The following LARS2 variants were observed in gnomAD, a reference collection of about 807,000 sequenced individuals.
LARS2 encodes the protein leucyl-tRNA synthetase 2, mitochondrial, also known as leucine--tRNA ligase, mitochondrial.
In LARS2, 81 loss-of-function variants were observed where a neutral mutation model predicts 116.6. The ratio of observed to expected loss-of-function variants is 0.69; its 90% CI spans 0.58 to 0.84. The LOEUF (loss-of-function observed/expected upper bound fraction) is 0.84, where lower values mean the gene tolerates loss of function less well. LARS2 is among the 40% of genes least tolerant of loss of function. The probability of loss-of-function intolerance (pLI) is 0.00; values close to 1 mark genes in which losing one functional copy is unlikely to be tolerated. For missense variants in LARS2, 968 were observed against 1,114.5 expected, an observed-to-expected ratio of 0.87 and a Z score of 1.87; for synonymous variants, 396 against 407.2, an observed-to-expected ratio of 0.97 and a Z score of 0.33.
intron 10 of LARS2, among the ~76,000 whole-genome samples, chr3:45,477,331 G>A (rs532332001): frequency 2.6e-5 from 4 of 152,248 alleles, no homozygotes; most frequent in Non-Finnish European, 5.9e-5. Flanking sequence ...GACTTGGAGA[G>A]TGCAGCCCCA....
intron 7 of LARS2, among the ~76,000 whole-genome samples, chr3:45,452,549 G>A (rs1699151628): frequency 6.6e-6 from 1 of 152,062 alleles, no homozygotes; most frequent in African/African-American, 2.4e-5. Context: ...TGTTGATCAT[G>A]GTGAATGATC....
chr3:45,484,494 A>C (rs1396769412), intron 10 of LARS2, among the ~76,000 whole-genome samples: 4 of 146,216 alleles, frequency 2.7e-5, no homozygotes, highest in Non-Finnish European at 6.0e-5. Flanking sequence ...AGCTGGGTAC[A>C]GTGGCTCCTG....
chr3:45,419,824 G>A (rs1698487618), intron 6 of LARS2, 95 bp downstream of exon 6: 1 of 978,114 alleles, frequency 1.0e-6, no homozygotes, highest in Non-Finnish European at 1.7e-6. Context: ...GAGAAGGCAA[G>A]GGTGGGAGGC....
intron 4 of LARS2, among the ~76,000 whole-genome samples, chr3:45,408,289 C>T (rs985544815): frequency 6.6e-6 from 1 of 152,248 alleles, no homozygotes; most frequent in Non-Finnish European, 1.5e-5. Flanking sequence ...TGTGCCATGG[C>T]CATGTGGCTA....
chr3:45,429,517 A>C (rs1016121116), intron 6 of LARS2, among the ~76,000 whole-genome samples: 1 of 152,178 alleles, frequency 6.6e-6, no homozygotes, highest in African/African-American at 2.4e-5. Flanking sequence ...AGCCAGAGGA[A>C]GATTTCTGCT....
intron 6 of LARS2, among the ~76,000 whole-genome samples, chr3:45,425,541 T>C (rs1014229746): frequency 3.9e-5 from 6 of 152,222 alleles, no homozygotes; most frequent in African/African-American, 1.4e-4. Flanking sequence ...GAATTTTTAC[T>C]GGGACAGGCT....
intron 20 of LARS2, among the ~76,000 whole-genome samples, chr3:45,537,433 TCAA>T (rs1404594200): frequency 1.3e-5 from 2 of 152,234 alleles, no homozygotes; most frequent in African/African-American, 4.8e-5. Flanking sequence ...CTCATTAACT[TCAA>T]CAAAATTATA....
intron 10 of LARS2, among the ~76,000 whole-genome samples, chr3:45,484,478 A>G (rs1325434942): frequency 6.7e-6 from 1 of 149,512 alleles, no homozygotes; most frequent in African/African-American, 2.5e-5. Context: ...AAGATGATAC[A>G]GTGTTAGCTG....
intron 6 of LARS2, among the ~76,000 whole-genome samples, chr3:45,439,312 C>T (rs2125699723): frequency 6.8e-6 from 1 of 147,264 alleles, no homozygotes; most frequent in African/African-American, 2.5e-5. Context: ...ACCTCCGCCT[C>T]CTGGATTCAA....
chr3:45,446,850 T>C (rs2125704176), intron 6 of LARS2, 41 bp from the exon 7 acceptor site: 1 of 1,253,188 alleles, frequency 8.0e-7, no homozygotes, highest in East Asian at 2.4e-5. Context: ...TGGGGGGATG[T>C]TTATAATGGC....
intron 5 of LARS2, among the ~76,000 whole-genome samples, chr3:45,418,344 G>A (rs1191022984): frequency 6.6e-6 from 1 of 152,174 alleles, no homozygotes; most frequent in Non-Finnish European, 1.5e-5. Flanking sequence ...AGCATCTACT[G>A]TGCTTCTGTC....
chr3:45,482,888 CCTT>C (rs1218725571), intron 10 of LARS2, among the ~76,000 whole-genome samples: 5 of 152,144 alleles, frequency 3.3e-5, no homozygotes, highest in African/African-American at 1.2e-4. Flanking sequence ...AGAGTCCTGT[CCTT>C]CTCTGTGTTT....
At chr3:45,390,480 T>C (rs983216740) in intron 1 of LARS2, among the ~76,000 whole-genome samples, 1 of 149,558 alleles carries the variant, frequency 6.7e-6, no homozygotes, top group African/African-American at 2.5e-5. Context: ...GCCTGGCTAA[T>C]TTTTTGTATA....
At position 45,547,404 on chromosome 3, in the gene LARS2, C is replaced by T; in HGVS notation, c.2586C>T (p.Asp862=). 6.2e-7 allele frequency: 1 copy of T among 1,613,370 alleles called. No homozygotes were observed. Among genetic ancestry groups the T allele is most frequent in the Non-Finnish European group, 8.5e-7 (1 of 1,179,710 alleles). ...KIPVPQQVAR[D]QDKVHEFVLQ... ...CTGTGCCCCAACAAGTTGCCCGGGA[C>T]CAGGACAAAGTCCACGAATTTGTTC... Residue 862 remains aspartate (D), a synonymous_variant, in exon 22 of 22, where the codon GAC becomes GAT. Coordinates refer to ENST00000645846, the MANE Select transcript of LARS2 (RefSeq NM_015340.4).
chr3:45,546,386 C>T (rs144061132), intron 21 of LARS2, among the ~76,000 whole-genome samples: 3 of 152,314 alleles, frequency 2.0e-5, no homozygotes, highest in East Asian at 3.9e-4. Flanking sequence ...TGGAGCCTCA[C>T]GCTTTCAAAA....
At chr3:45,523,725 T>C (rs1236232272) in intron 19 of LARS2, among the ~76,000 whole-genome samples, 1 of 151,784 alleles carries the variant, frequency 6.6e-6, no homozygotes, top group Non-Finnish European at 1.5e-5. Context: ...TTCATAGAGA[T>C]GAGGTCTCAC....
chr3:45,532,457 A>G (rs1437124524), intron 20 of LARS2, among the ~76,000 whole-genome samples: 1 of 152,234 alleles, frequency 6.6e-6, no homozygotes, highest in Non-Finnish European at 1.5e-5. Flanking sequence ...TGACCATGTC[A>G]TGGTAGACTT....
chr3:45,444,771 A>G (rs1373010345), intron 6 of LARS2, among the ~76,000 whole-genome samples: 2 of 150,274 alleles, frequency 1.3e-5, no homozygotes, highest in Non-Finnish European at 3.0e-5. Context: ...ATATTTGTAT[A>G]TTTTATATAT....
chr3:45,528,054 T>C (rs1700557218), intron 20 of LARS2, among the ~76,000 whole-genome samples: 1 of 152,142 alleles, frequency 6.6e-6, no homozygotes, highest in African/African-American at 2.4e-5. Context: ...GTGGATATGG[T>C]GGCTGGGTGC....
Sources: allele counts gnomAD v4.1 joint callset (sites outside exome capture counted in the v4.1 genomes callset), GRCh38; gene constraint gnomAD v4.1.1; transcripts MANE v1.5; gene names NCBI Gene and HGNC (gene_info 2026-07-23, HGNC 2026-07-21).